Variants in TLL1 observed in about 807,000 individuals in gnomAD.
TLL1 encodes tolloid-like protein 1.
A neutral mutation model predicts 128.2 loss-of-function variants in TLL1; 49 were observed. The ratio of observed to expected loss-of-function variants is 0.38; its 90% CI spans 0.30 to 0.48. The LOEUF (loss-of-function observed/expected upper bound fraction) is 0.48, where lower values mean the gene tolerates loss of function less well. Among genes scored for constraint, TLL1 ranks in the 20% least tolerant of loss-of-function variants. The pLI, the probability that TLL1 is intolerant of heterozygous loss-of-function variation, is 0.96. For synonymous variants in TLL1, 454 were observed against 418.8 expected (o/e 1.08, Z -1.03); for missense variants, 1,123 against 1,242.0 (o/e 0.90, Z 1.44).
chr4:166,101,240 G>T lies in TLL1; in HGVS notation c.*364G>T. 1 of 284,232 alleles carries T rather than the reference G, an allele frequency of 3.5e-6. No individual in the cohort carries two copies. Among genetic ancestry groups the T allele is most frequent in the Non-Finnish European group, 6.8e-6 (1 of 148,088 alleles). 17.6% of individuals were successfully genotyped at this position (284,232 alleles called of 1,614,324 possible). The stretch of plus-strand genomic sequence containing the variant: ...TTTTTGACAATTTGTCAAGATTTAG[G>T]GACATAAAATGATCTTGCAGGTCGT... On this transcript the variant is annotated 3_prime_UTR_variant, in exon 21 of 21. Coordinates refer to ENST00000061240, the MANE Select transcript of TLL1 (RefSeq NM_012464.5).
At position 166,057,282 on chromosome 4, in the gene TLL1, C is replaced by A. The variant is rs770482143; in HGVS notation, c.1819C>A (p.Leu607Met). The change falls in exon 14 of 21, where the codon CTG (leucine) becomes ATG (methionine). Residue 607 changes from leucine to methionine, a missense_variant. Coordinates refer to ENST00000061240, the MANE Select transcript of TLL1 (RefSeq NM_012464.5). Reference protein sequence around the residue: ...YQCACEPGYELGPDRRSCEAA... With the variant: ...YQCACEPGYEMGPDRRSCEAA... ...GTGTGCCTGTGAGCCTGGCTATGAGCTGGGCCCAGACAGAAGGAGCTGTGA... is the reference window on the plus strand; with the variant it reads ...GTGTGCCTGTGAGCCTGGCTATGAGATGGGCCCAGACAGAAGGAGCTGTGA... 1.2e-6 allele frequency: 2 copies of A among 1,613,828 alleles called. No homozygotes were observed. The highest frequency in any genetic ancestry group is 2.2e-5 in the South Asian group (2 of 91,084).
At chr4:166,050,511 G>T (rs969946380) in intron 12 of TLL1, among the ~76,000 whole-genome samples, 1 of 152,068 alleles carries the variant, frequency 6.6e-6, no homozygotes, top group East Asian at 1.9e-4. Context: ...TTTTTAGGGA[G>T]CATGGGATAC....
In TLL1 at chr4:165,994,474, G is replaced by A; in HGVS notation, c.455G>A (p.Arg152Lys). The A allele has an allele frequency of 6.2e-7, 1 of 1,614,014 alleles. No individual in the cohort carries two copies. The highest frequency in any genetic ancestry group is 8.5e-7 in the Non-Finnish European group (1 of 1,179,948). The change falls in exon 4 of 21, where the codon AGA (arginine) becomes AAA (lysine). Residue 152 changes from arginine (R) to lysine (K), a missense_variant. Arg to Lys is a conservative substitution (Grantham distance 26). Coordinates refer to ENST00000061240, the MANE Select transcript of TLL1 (RefSeq NM_012464.5). ...CGAGTTCCCAGAGCCGCTACATCAAGAACGGAAAGAATATGGCCTGGAGGC... is the reference window on the plus strand; with the variant it reads ...CGAGTTCCCAGAGCCGCTACATCAAAAACGGAAAGAATATGGCCTGGAGGC... ...KNRVPRAATS[R>K]TERIWPGGVI...
intron 14 of TLL1, among the ~76,000 whole-genome samples, chr4:166,058,910 G>C (rs533582220): frequency 1.3e-5 from 2 of 152,178 alleles, no homozygotes; most frequent in South Asian, 4.2e-4. Context: ...GCAAAAATCA[G>C]AGACTCCCTG....
At chr4:165,928,666 A>G (rs1186927787) in intron 1 of TLL1, among the ~76,000 whole-genome samples, 1 of 152,200 alleles carries the variant, frequency 6.6e-6, no homozygotes, top group Non-Finnish European at 1.5e-5. Context: ...AAAACAATCT[A>G]AAACCAGGAA....
chr4:166,008,893 G>T (rs912281778), intron 7 of TLL1, among the ~76,000 whole-genome samples: 6 of 151,080 alleles, frequency 4.0e-5, no homozygotes, highest in Admixed American at 4.0e-4. Context: ...ATATTCAAAT[G>T]TATTAAGCTG....
chr4:165,982,311 G>A (rs544824291), intron 1 of TLL1, among the ~76,000 whole-genome samples: 1 of 151,686 alleles, frequency 6.6e-6, no homozygotes, highest in African/African-American at 2.4e-5. Context: ...AATATTGAGA[G>A]GAATATTTCA....
intron 7 of TLL1, among the ~76,000 whole-genome samples, chr4:166,008,903 G>T (rs1254165239): frequency 1.3e-5 from 2 of 150,978 alleles, no homozygotes; most frequent in Non-Finnish European, 3.0e-5. Context: ...GTATTAAGCT[G>T]CTTTTATAAA....
intron 1 of TLL1, among the ~76,000 whole-genome samples, chr4:165,951,742 C>T (rs1310556312): frequency 6.6e-6 from 1 of 151,862 alleles, no homozygotes; most frequent in Non-Finnish European, 1.5e-5. Flanking sequence ...TCATAAGCTC[C>T]CTACTCAGCC....
At chr4:166,086,128 A>G (rs1384103098) in intron 18 of TLL1, among the ~76,000 whole-genome samples, 1 of 152,184 alleles carries the variant, frequency 6.6e-6, no homozygotes, top group Non-Finnish European at 1.5e-5. Flanking sequence ...TTTGTGAGAT[A>G]GGAGCATTTG....
intron 9 of TLL1, among the ~76,000 whole-genome samples, chr4:166,033,964 C>T (rs1738887290): frequency 6.6e-6 from 1 of 152,054 alleles, no homozygotes; most frequent in Non-Finnish European, 1.5e-5. Flanking sequence ...CTATTTTTTG[C>T]AGATATTTCT....
At chr4:165,994,587 G>T in intron 4 of TLL1, 54 bp downstream of exon 4, 2 of 1,590,616 alleles carry the variant, frequency 1.3e-6, no homozygotes, top group Non-Finnish European at 1.7e-6. Context: ...CTATCATACA[G>T]ATTAAGTGTC....
chr4:165,928,319 C>T (rs532304986), intron 1 of TLL1, among the ~76,000 whole-genome samples: 12 of 152,106 alleles, frequency 7.9e-5, no homozygotes, highest in South Asian at 2.1e-4. Flanking sequence ...GTTGGGGAGA[C>T]GGCAGGCATG....
At chr4:166,030,987 G>A (rs17047202) in intron 9 of TLL1, 326,270 of 937,858 alleles carry the variant, frequency 0.35, 58,298 homozygotes, top group African/African-American at 0.45. Context: ...TTTAATGTAC[G>A]ATTTTGCACA....
chr4:165,914,688 C>T (rs192630053), intron 1 of TLL1, among the ~76,000 whole-genome samples: 107 of 152,176 alleles, frequency 7.0e-4, no homozygotes, highest in African/African-American at 2.2e-3. Context: ...ACATGGAGTG[C>T]GAAGGTGGAT....
At chr4:166,088,225 G>A (rs1008133165) in intron 18 of TLL1, among the ~76,000 whole-genome samples, 9 of 151,938 alleles carry the variant, frequency 5.9e-5, no homozygotes, top group South Asian at 2.1e-4. Flanking sequence ...ACATTTCTGC[G>A]GCATTGGTTC....
At chr4:165,925,332 A>T (rs1163669553) in intron 1 of TLL1, among the ~76,000 whole-genome samples, 4 of 152,224 alleles carry the variant, frequency 2.6e-5, no homozygotes, top group African/African-American at 9.6e-5. Context: ...AAATATCAAC[A>T]TTAACAGGAT....
intron 9 of TLL1, among the ~76,000 whole-genome samples, chr4:166,026,894 T>C (rs936200617): frequency 1.3e-5 from 2 of 151,870 alleles, no homozygotes; most frequent in Non-Finnish European, 2.9e-5. Flanking sequence ...AAACAATGAG[T>C]AAAATGGGCA....
intron 19 of TLL1, among the ~76,000 whole-genome samples, chr4:166,092,343 T>C (rs995453482): frequency 6.6e-6 from 1 of 152,074 alleles, no homozygotes; most frequent in African/African-American, 2.4e-5. Context: ...TTGAAGTCTG[T>C]GATAAAGATA....
Sources: gnomAD v4.1 joint callset for allele counts (sites outside exome capture counted in the v4.1 genomes callset) on GRCh38, gnomAD v4.1.1 for gene constraint, MANE v1.5 for transcripts, NCBI Gene and HGNC (gene_info 2026-07-23, HGNC 2026-07-21) for gene names.